The following KCNT1 variants were observed in gnomAD, a reference collection of about 807,000 sequenced individuals.
The protein encoded by KCNT1 is potassium sodium-activated channel subfamily T member 1, also known as potassium channel subfamily T member 1.
KCNT1 carries 78 observed loss-of-function variants against 147.8 expected under a neutral mutation model. The ratio of observed to expected loss-of-function variants is 0.53; its 90% CI spans 0.44 to 0.64. The LOEUF is 0.64. Among genes scored for constraint, KCNT1 ranks in the 30% least tolerant of loss-of-function variants. The probability of loss-of-function intolerance (pLI) is 0.00; values close to 1 mark genes in which losing one functional copy is unlikely to be tolerated. For missense variants in KCNT1, 1,419 were observed against 1,750.3 expected, an observed-to-expected ratio of 0.81 and a Z score of 3.38; for synonymous variants, 867 against 748.8, an observed-to-expected ratio of 1.16 and a Z score of -2.58.
intron 2 of KCNT1, among the ~76,000 whole-genome samples, chr9:135,715,882 A>G (rs1470490951): frequency 6.6e-6 from 1 of 152,216 alleles, no homozygotes; most frequent in Non-Finnish European, 1.5e-5. Context: ...GACTGAGCCC[A>G]GTCTTCATCC....
chr9:135,782,908 C>G (rs1476034965), intron 24 of KCNT1, among the ~76,000 whole-genome samples: 1 of 152,198 alleles, frequency 6.6e-6, no homozygotes, highest in African/African-American at 2.4e-5. Context: ...GTTTCTCACG[C>G]CCCAGCCTTC....
In KCNT1 at chr9:135,777,332, C is replaced by T. The variant is rs771229865; in HGVS notation, c.2350-6C>T. On this transcript the variant is annotated splice_polypyrimidine_tract_variant and splice_region_variant and intron_variant, in intron 20 of 30. Transcript: ENST00000371757. ...CTCCAGCCCTGACTCCAGCATCTGC[C>T]CCCAGGGCTGCAAGCACAACAGCTA... 12 of 1,612,140 alleles carry T rather than the reference C, an allele frequency of 7.4e-6. No individual in the cohort carries two copies. The South Asian group carries it at 1.1e-4, about 15-fold the overall frequency.
At chr9:135,703,206 C>G (rs528889413) in intron 1 of KCNT1, 3 of 152,490 alleles carry the variant, frequency 2.0e-5, no homozygotes, top group African/African-American at 7.2e-5. Context: ...CTGGGCAGAG[C>G]CGGTCACTGC....
Position 135,792,247 on chromosome 9 carries a change from C to T in KCNT1, c.*86C>T, listed in dbSNP as rs529182361. The T allele has an allele frequency of 1.2e-5, 18 of 1,471,188 alleles. No homozygotes were observed. The highest frequency in any genetic ancestry group is 1.9e-4 in the Middle Eastern group (1 of 5,310). The allele number at this position is 1,471,188 out of a possible 1,614,324, so 91.1% of individuals were successfully genotyped here. ...GCGTGTGAGGACACGGTGGCACTAG[C>T]GTGACCCTGGGGATGGCACACTCTA... On this transcript the variant is annotated 3_prime_UTR_variant, in exon 31 of 31. Coordinates refer to ENST00000371757, the MANE Select transcript of KCNT1 (RefSeq NM_020822.3).
In KCNT1 at chr9:135,770,962, C is replaced by T. The variant is rs1248241981; in HGVS notation, c.1875C>T (p.Ile625=). The part of the protein sequence containing the change: ...ILAASDTCFY[I]NITKEENSAF... ...CCGCCTCTGACACCTGCTTCTACAT[C>T]AACATCACCAAGGAGGAGAACTCGG... The change falls in exon 18 of 31, where the codon ATC becomes ATT. Residue 625 remains isoleucine, a synonymous_variant. Coordinates refer to ENST00000371757, the MANE Select transcript of KCNT1 (RefSeq NM_020822.3). 3.7e-6 allele frequency: 6 copies of T among 1,613,836 alleles called. No individual in the cohort carries two copies. In the East Asian group the frequency reaches 1.1e-4, roughly 30 times the overall value.
intron 18 of KCNT1, among the ~76,000 whole-genome samples, chr9:135,771,889 A>G (rs1458455298): frequency 6.6e-6 from 1 of 152,028 alleles, no homozygotes; most frequent in African/African-American, 2.4e-5. Context: ...TGGCCCAGGC[A>G]GAGGCTGACC....
At chr9:135,777,216 G>C in intron 20 of KCNT1, 122 bp from the exon 21 acceptor site, 1 of 1,043,988 alleles carries the variant, frequency 9.6e-7, no homozygotes, top group Non-Finnish European at 1.4e-6. Flanking sequence ...AAAGGGCTGT[G>C]GGCCGAGAGG....
intron 7 of KCNT1, 34 bp downstream of exon 7, chr9:135,756,966 G>T (rs564345344): frequency 1.3e-5 from 19 of 1,519,958 alleles, no homozygotes; most frequent in African/African-American, 3.3e-5. Context: ...CCTCACAGGG[G>T]GTCCCCACCC....
chr9:135,755,649 GAAACCA>G, intron 6 of KCNT1, among the ~76,000 whole-genome samples: 1 of 150,700 alleles, frequency 6.6e-6, no homozygotes, highest in South Asian at 2.1e-4. Flanking sequence ...AGTAAGCAGG[GAAACCA>G]GGCTCAGTAA....
intron 5 of KCNT1, 134 bp from the exon 6 acceptor site, chr9:135,754,987 C>T (rs560753767): frequency 7.2e-6 from 5 of 695,118 alleles, no homozygotes; most frequent in Non-Finnish European, 1.1e-5. Flanking sequence ...AAGGTAGGCT[C>T]CTTTGGTCCA....
Position 135,775,412 on chromosome 9 carries a change from C to G in KCNT1, c.2346C>G (p.Asp782Glu). Reference protein sequence around the residue: ...VKAPFCCLRLDKGCKHNSYED... With the variant: ...VKAPFCCLRLEKGCKHNSYED... ...CCCCCTTCTGCTGCCTGCGGCTGGA[C>G]AAGGTAAGGCTGGCGGCTCTGCCGC... The change falls in exon 20 of 31, where the codon GAC (aspartate) becomes GAG (glutamate). Residue 782 changes from aspartate to glutamate, a missense_variant. By Grantham distance (45) the Asp-to-Glu change is conservative. Coordinates refer to ENST00000371757, the MANE Select transcript of KCNT1 (RefSeq NM_020822.3). The G allele has an allele frequency of 6.2e-7, 1 of 1,608,772 alleles. No individual in the cohort carries two copies. Among genetic ancestry groups the G allele is most frequent in the Non-Finnish European group, 8.5e-7 (1 of 1,177,234 alleles).
Position 135,772,894 on chromosome 9 carries a change from G to A in KCNT1, c.2188G>A (p.Asp730Asn), listed in dbSNP as rs752598622. Residue 730 changes from aspartate (D) to asparagine (N), a missense_variant, in exon 19 of 31, where the codon GAC (aspartate) becomes AAC (asparagine). Asp to Asn is a conservative substitution (Grantham distance 23, BLOSUM62 1). Transcript: ENST00000371757. ...SALLPCDLLS[D>N]QSEDEVTPSD... ...CCTGCTGCCCTGCGACCTGCTGAGC[G>A]ACCAGTCGGAGGATGAGGTGACGCC... The A allele has an allele frequency of 1.9e-5, 29 of 1,558,462 alleles. No individual in the cohort carries two copies. Among genetic ancestry groups the A allele is most frequent in the South Asian group, 7.1e-5 (6 of 84,590 alleles).
At position 135,780,843 on chromosome 9, in the gene KCNT1, C is replaced by T. The variant is rs572540059; in HGVS notation, c.2841+1373C>T. 1.2e-4 allele frequency among the ~76,000 whole-genome samples: 19 copies of T among 152,354 alleles called. No homozygotes were observed. The East Asian group carries it at 2.5e-3, about 20-fold the overall frequency. On this transcript the variant is annotated intron_variant, in intron 24 of 30. Coordinates refer to ENST00000371757, the MANE Select transcript of KCNT1 (RefSeq NM_020822.3). ...GCTCCCCAGGGCTGGGAGGACTCTCCGGATCTGGAAGACCAAGTCTGACCC... is the reference window on the plus strand; with the variant it reads ...GCTCCCCAGGGCTGGGAGGACTCTCTGGATCTGGAAGACCAAGTCTGACCC...
intron 2 of KCNT1, among the ~76,000 whole-genome samples, chr9:135,725,758 C>T (rs569268306): frequency 6.6e-6 from 1 of 152,336 alleles, no homozygotes; most frequent in South Asian, 2.1e-4. Context: ...GGACCCTCAG[C>T]CGGGTCCAGG....
At chr9:135,768,251 G>GC (rs1832440637) in intron 13 of KCNT1, among the ~76,000 whole-genome samples, 1 of 39,406 alleles carries the variant, frequency 2.5e-5, no homozygotes, top group Non-Finnish European at 8.1e-5. Flanking sequence ...GGGGGGGGGG[G>GC]GGGGGGCACT....
chr9:135,794,831 A>ACAGT lies in KCNT1; in HGVS notation c.*2673_*2676dup, dbSNP rs1834729621. On this transcript the variant is annotated 3_prime_UTR_variant, in exon 31 of 31. Coordinates refer to ENST00000371757, the MANE Select transcript of KCNT1 (RefSeq NM_020822.3). ...CCACTCACCAACAGCCCCAGCTTGC[A>ACAGT]CAGTCATGACATCAGGAAGGTGGGT... 6.6e-6 allele frequency: 1 copy of ACAGT among 152,012 alleles called. No individual in the cohort carries two copies. The highest frequency in any genetic ancestry group is 1.5e-5 in the Non-Finnish European group (1 of 68,004). 9.4% of individuals were successfully genotyped at this position (152,012 alleles called of 1,614,324 possible).
At chr9:135,771,209 T>TGACCAGGTGGGACAGGA in intron 18 of KCNT1, 114 bp downstream of exon 18, 1 of 978,316 alleles carries the variant, frequency 1.0e-6, no homozygotes, top group Non-Finnish European at 1.5e-6. Flanking sequence ...CAGGGGGAGG[T>TGACCAGGTGGGACAGGA]GACCAGGTGG....
chr9:135,786,175 T>TCA, intron 28 of KCNT1, 22 bp from the exon 29 acceptor site: 1 of 643,626 alleles, frequency 1.6e-6, no homozygotes. Flanking sequence ...CTCCCCGCCC[T>TCA]GCCCTGCCCT....
intron 5 of KCNT1, among the ~76,000 whole-genome samples, chr9:135,754,739 GA>G (rs900899794): frequency 1.3e-5 from 2 of 152,144 alleles, no homozygotes; most frequent in Admixed American, 6.5e-5. Context: ...GGACCCAGGT[GA>G]AAAAAACAGG....
Sources: gnomAD v4.1 joint callset for allele counts (sites outside exome capture counted in the v4.1 genomes callset) on GRCh38, gnomAD v4.1.1 for gene constraint, MANE v1.5 for transcripts, NCBI Gene and HGNC (gene_info 2026-07-23, HGNC 2026-07-21) for gene names.